APPL2: variants seen among roughly 807,000 people sequenced by gnomAD.
APPL2 encodes adaptor protein, phosphotyrosine interacting with PH domain and leucine zipper 2.
A neutral mutation model predicts 92.7 loss-of-function variants in APPL2; 84 were observed. The observed-to-expected ratio is 0.91, with a 90% CI of 0.76 to 1.09. The LOEUF (loss-of-function observed/expected upper bound fraction) is 1.09. Among genes scored for constraint, APPL2 ranks in the 50% least tolerant of loss-of-function variants. The pLI, the probability that APPL2 is intolerant of heterozygous loss-of-function variation, is 0.00. For synonymous variants in APPL2, 291 were observed against 291.0 expected, an observed-to-expected ratio of 1.00 and a Z score of 0.00; for missense variants, 736 against 824.5, an observed-to-expected ratio of 0.89 and a Z score of 1.31.
At chr12:105,222,159 C>T (rs527753906) in intron 2 of APPL2, among the ~76,000 whole-genome samples, 4 of 152,122 alleles carry the variant, frequency 2.6e-5, no homozygotes, top group African/African-American at 4.8e-5. Flanking sequence ...GCGGCTGGAG[C>T]GTCTCATGCG....
In APPL2 at chr12:105,211,275, T is replaced by A. The variant is rs1889193241; in HGVS notation, c.328A>T (p.Thr110Ser). The A allele has an allele frequency of 6.2e-7, 1 of 1,614,140 alleles. No homozygotes were observed. The highest frequency in any genetic ancestry group is 8.5e-7 in the Non-Finnish European group (1 of 1,179,962). ...AATTGTATGATAGGTAGAACCATTG[T>A]GTCTGCCAACTGTTTAGCCAGCTCT... ...HTELAKQLAD[T>S]MVLPIIQFRE... is the part of the protein sequence containing the mutation. Residue 110 changes from threonine to serine, a missense_variant, in exon 5 of 21, where the codon ACA (threonine) becomes TCA (serine). Transcript: ENST00000258530.
rs1227383291 is a variant in APPL2, at chr12:105,207,042, C to T, written c.621+19G>A. 2 of 1,609,466 alleles carry T rather than the reference C, an allele frequency of 1.2e-6. No individual in the cohort carries two copies. Among genetic ancestry groups the T allele is most frequent in the Admixed American group, 3.4e-5 (2 of 58,642 alleles). On this transcript the variant is annotated intron_variant, in intron 8 of 20. Coordinates refer to ENST00000258530, the MANE Select transcript of APPL2 (RefSeq NM_018171.5). ...CACAGCTAGCTTAGGTTTCAGCCCT[C>T]AGGGAGGGACTCCCCTACCTGTCCA...
chr12:105,200,869 TA>T (rs1888126442), intron 9 of APPL2, among the ~76,000 whole-genome samples: 2 of 82,032 alleles, frequency 2.4e-5, no homozygotes, highest in Admixed American at 1.3e-4. Context: ...TGTATGTATC[TA>T]TCTATCTATC....
Position 105,217,108 on chromosome 12 carries a change from T to C in APPL2, c.246A>G (p.Val82=). The C allele has an allele frequency of 6.2e-7, 1 of 1,611,286 alleles. No homozygotes were observed. The highest frequency in any genetic ancestry group is 8.5e-7 in the Non-Finnish European group (1 of 1,178,118). ...TGGAAAAATAGTGGAGTGTTGAAAT[T>C]ACTTCTTCATCACCTTTGCCAAGAG... ...NFALGKGDEE[V]ISTLHYFSKV... Residue 82 remains valine, a synonymous_variant, in exon 4 of 21, where the codon GTA becomes GTG. Transcript: ENST00000258530.
At chr12:105,217,823 C>A in intron 2 of APPL2, 98 bp from the exon 3 acceptor site, 1 of 1,159,182 alleles carries the variant, frequency 8.6e-7, no homozygotes, top group Non-Finnish European at 1.3e-6. Context: ...GTAATATTGG[C>A]TGGGTCCAGT....
chr12:105,181,259 CA>C (rs1298219139), intron 17 of APPL2, among the ~76,000 whole-genome samples: 18 of 152,204 alleles, frequency 1.2e-4, no homozygotes, highest in Admixed American at 6.5e-4. Flanking sequence ...TGATGGATTA[CA>C]TTTACTGATT....
intron 9 of APPL2, among the ~76,000 whole-genome samples, chr12:105,200,924 AT>A (rs1298999567): frequency 1.3e-5 from 2 of 151,616 alleles, no homozygotes; most frequent in Non-Finnish European, 2.9e-5. Context: ...TAATCTATTC[AT>A]TTTGAGAGAG....
At chr12:105,193,289 A>C (rs1887381242) in intron 14 of APPL2, among the ~76,000 whole-genome samples, 2 of 152,322 alleles carry the variant, frequency 1.3e-5, no homozygotes, top group South Asian at 4.1e-4. Context: ...AAACCCCCCT[A>C]AACTATCCAT....
chr12:105,232,720 T>C lies in APPL2; in HGVS notation c.54+3239A>G, dbSNP rs151153006. Among the ~76,000 whole-genome samples, 13 of 133,324 alleles carry C rather than the reference T, an allele frequency of 9.8e-5. No homozygotes were observed. The East Asian group carries it at 2.6e-3, about 27-fold the overall frequency. 87.5% of individuals were successfully genotyped at this position (133,324 alleles called of 152,430 possible). A position where few individuals can be genotyped will look rare whatever the true frequency, so the allele number is the denominator to read the frequency against. On this transcript the variant is annotated intron_variant, in intron 1 of 20. Transcript: ENST00000258530. ...CTGAGGCTGCAGTGAGCCGTGTTCA[T>C]GCCACTGCACCCCAGTCTGGGCAAC...
At chr12:105,211,586 CT>C (rs1389103550) in intron 4 of APPL2, among the ~76,000 whole-genome samples, 4 of 152,224 alleles carry the variant, frequency 2.6e-5, no homozygotes, top group African/African-American at 9.6e-5. Flanking sequence ...ACTGGGCAGA[CT>C]CTGCTTCTTC....
chr12:105,206,596 A>C lies in APPL2; in HGVS notation c.621+465T>G, dbSNP rs530845859. Among the ~76,000 whole-genome samples the C allele has an allele frequency of 4.6e-5, 7 of 152,338 alleles. 1 individual carries two copies. The South Asian group carries it at 1.4e-3, about 32-fold the overall frequency. On this transcript the variant is annotated intron_variant, in intron 8 of 20. Transcript: ENST00000258530. Reference sequence around the variant, plus strand: ...AAGGAGACCTCATAAAGCACTGGCAACGTTTCCCCATGCCCAGATGTTAAG... The same window carrying C: ...AAGGAGACCTCATAAAGCACTGGCACCGTTTCCCCATGCCCAGATGTTAAG...
intron 2 of APPL2, among the ~76,000 whole-genome samples, chr12:105,220,443 G>T (rs138052962): frequency 6.6e-6 from 1 of 152,332 alleles, no homozygotes; most frequent in African/African-American, 2.4e-5. Flanking sequence ...TACTGATCCT[G>T]CTTTGTCATC....
At chr12:105,186,708 T>TATATCATAG (rs1555248128) in intron 17 of APPL2, among the ~76,000 whole-genome samples, 1 of 60,344 alleles carries the variant, frequency 1.7e-5, no homozygotes, top group Admixed American at 1.7e-4. Context: ...TCATATCATA[T>TATATCATAG]ATCATATCAT....
intron 10 of APPL2, among the ~76,000 whole-genome samples, chr12:105,198,488 A>T (rs1392743755): frequency 6.6e-6 from 1 of 152,168 alleles, no homozygotes; most frequent in Admixed American, 6.5e-5. Flanking sequence ...ACATCTGCAG[A>T]ACTACAGGGG....
intron 17 of APPL2, among the ~76,000 whole-genome samples, chr12:105,186,011 T>C (rs550468822): frequency 6.6e-6 from 1 of 152,306 alleles, no homozygotes; most frequent in South Asian, 2.1e-4. Context: ...ATATTTCATA[T>C]AAACAGAACC....
intron 7 of APPL2, among the ~76,000 whole-genome samples, chr12:105,207,558 G>A (rs1888835705): frequency 6.6e-6 from 1 of 152,142 alleles, no homozygotes; most frequent in South Asian, 2.1e-4. Context: ...TTTAGCCCAA[G>A]GAAATCATGT....
chr12:105,188,404 T>C lies in APPL2; in HGVS notation c.1503A>G (p.Ser501=). The C allele has an allele frequency of 1.2e-6, 2 of 1,614,206 alleles. No individual in the cohort carries two copies. The highest frequency in any genetic ancestry group is 1.1e-5 in the South Asian group (1 of 91,082). The change falls in exon 17 of 21, where the codon TCA becomes TCG. Residue 501 remains serine (S), a synonymous_variant. Transcript: ENST00000258530. Reference sequence around the variant, plus strand: ...TAGTGCTGTCTGTTTTAACTGCCATTGATCCCAAAAACCGAACTATAAACA... The same window carrying C: ...TAGTGCTGTCTGTTTTAACTGCCATCGATCCCAAAAACCGAACTATAAACA... The part of the protein sequence containing the change: ...QQMFIVRFLG[S]MAVKTDSTTE...
At chr12:105,194,354 C>T (rs954821978) in intron 14 of APPL2, among the ~76,000 whole-genome samples, 6 of 152,154 alleles carry the variant, frequency 3.9e-5, no homozygotes, top group African/African-American at 1.2e-4. Flanking sequence ...TAAATGATAA[C>T]AGTAAACGCC....
At chr12:105,197,066 C>T (rs182137118) in intron 11 of APPL2, among the ~76,000 whole-genome samples, 10 of 152,224 alleles carry the variant, frequency 6.6e-5, no homozygotes, top group Admixed American at 3.3e-4. Context: ...GCTCTGATGA[C>T]GGGCAGGGCC....
Sources: gnomAD v4.1 joint callset for allele counts (sites outside exome capture counted in the v4.1 genomes callset) on GRCh38, gnomAD v4.1.1 for gene constraint, MANE v1.5 for transcripts, NCBI Gene and HGNC (gene_info 2026-07-23, HGNC 2026-07-21) for gene names.